SLC45A4: variants seen among roughly 807,000 people sequenced by gnomAD.
SLC45A4 encodes the protein solute carrier family 45 member 4.
A neutral mutation model predicts 63.7 loss-of-function variants in SLC45A4; 32 were observed. The observed-to-expected ratio is 0.50, with a 90% confidence interval of 0.38 to 0.67. The LOEUF (loss-of-function observed/expected upper bound fraction) is 0.67. SLC45A4 is among the 30% of genes least tolerant of loss of function. The probability of loss-of-function intolerance (pLI) is 0.00; values close to 1 mark genes in which losing one functional copy is unlikely to be tolerated. For missense variants in SLC45A4, 1,027 were observed against 1,157.7 expected, an observed-to-expected ratio of 0.89 and a Z score of 1.64; for synonymous variants, 535 against 510.0, an observed-to-expected ratio of 1.05 and a Z score of -0.66.
intron 3 of SLC45A4, among the ~76,000 whole-genome samples, chr8:141,220,413 C>T (rs573408731): frequency 1.3e-5 from 2 of 152,254 alleles, no homozygotes; most frequent in East Asian, 1.9e-4. Flanking sequence ...TGCCAGTGGC[C>T]GCACCTCACC....
At chr8:141,282,819 C>T (rs1830003935) in intron 1 of SLC45A4, among the ~76,000 whole-genome samples, 1 of 152,260 alleles carries the variant, frequency 6.6e-6, no homozygotes, top group African/African-American at 2.4e-5. Context: ...GAGCTCAGCT[C>T]CTTTCCCGCT....
rs1829823283 is a variant in SLC45A4 at position 141,278,611 on chromosome 8, C to G, written c.-400-23982G>C. Among the ~76,000 whole-genome samples, 2 of 152,242 alleles carry G rather than the reference C, an allele frequency of 1.3e-5. No individual in the cohort carries two copies. Among genetic ancestry groups the G allele is most frequent in the South Asian group, 4.1e-4 (2 of 4,832 alleles). On this transcript the variant is annotated intron_variant, in intron 1 of 8. Transcript: ENST00000517878. This position sits in a 1 kb window ranked among gnomAD's most constrained non-coding sequence, Gnocchi z 4.1. ...GGAGAGACAGGCCTCTGCCCCCTAG[C>G]CACCAGCAGCTGAGTGCTGACCACA...
chr8:141,238,253 C>G (rs982141579), intron 2 of SLC45A4, among the ~76,000 whole-genome samples: 13 of 152,254 alleles, frequency 8.5e-5, no homozygotes, highest in Non-Finnish European at 1.5e-5. Flanking sequence ...CTCCAGTCAG[C>G]AGGGAATCCA....
Position 141,243,576 on chromosome 8 carries a change from T to A in SLC45A4, c.241+10413A>T, listed in dbSNP as rs192575528. 3.1e-3 allele frequency among the ~76,000 whole-genome samples: 473 copies of A among 152,160 alleles called. 2 individuals carry two copies. Among genetic ancestry groups the A allele is most frequent in the African/African-American group, 0.011 (445 of 41,502 alleles). On this transcript the variant is annotated intron_variant, in intron 2 of 8. Transcript: ENST00000517878. Reference sequence around the variant, plus strand: ...AGGAGGATGGCTTGAGCCTAGGAGGTCAAGGCTGCAGTGAGCCGTAATCGC... The same window carrying A: ...AGGAGGATGGCTTGAGCCTAGGAGGACAAGGCTGCAGTGAGCCGTAATCGC...
At chr8:141,287,328 A>C (rs1270321001) in intron 1 of SLC45A4, among the ~76,000 whole-genome samples, 1 of 152,240 alleles carries the variant, frequency 6.6e-6, no homozygotes, top group Non-Finnish European at 1.5e-5. Flanking sequence ...TAACTACAGC[A>C]TCGTGACTCA....
chr8:141,262,871 C>G (rs1829095183), intron 1 of SLC45A4, among the ~76,000 whole-genome samples: 1 of 149,852 alleles, frequency 6.7e-6, no homozygotes. Context: ...TGGGTATATA[C>G]CCAAAGGACT....
intron 2 of SLC45A4, chr8:141,228,082 G>A (rs377044418): frequency 1.4e-6 from 2 of 1,449,266 alleles, no homozygotes; most frequent in East Asian, 2.3e-5. Context: ...GCTGTGTGGA[G>A]TGGAGCTGTT....
At chr8:141,280,912 G>A (rs997196500) in intron 1 of SLC45A4, among the ~76,000 whole-genome samples, 5 of 152,234 alleles carry the variant, frequency 3.3e-5, no homozygotes, top group East Asian at 1.9e-4. Flanking sequence ...TGAGGTCTCC[G>A]CAAGACCGGG....
intron 2 of SLC45A4, among the ~76,000 whole-genome samples, chr8:141,246,439 T>C (rs980957741): frequency 1.4e-4 from 4 of 27,908 alleles, no homozygotes; most frequent in Non-Finnish European, 3.4e-4. Flanking sequence ...GGCCTCCTGC[T>C]CAGTTATTTG....
chr8:141,276,080 T>C (rs1005862158), intron 1 of SLC45A4, among the ~76,000 whole-genome samples: 15 of 152,052 alleles, frequency 9.9e-5, no homozygotes, highest in Non-Finnish European at 2.2e-4. Flanking sequence ...ACCTAGCTGA[T>C]TTTTTGAGAT....
At chr8:141,295,019 C>T in intron 1 of SLC45A4, among the ~76,000 whole-genome samples, 1 of 152,246 alleles carries the variant, frequency 6.6e-6, no homozygotes, top group Non-Finnish European at 1.5e-5. Flanking sequence ...GGGGACAGTC[C>T]TCCCACTGGA....
At chr8:141,277,029 A>T (rs1232583364) in intron 1 of SLC45A4, among the ~76,000 whole-genome samples, 1 of 152,224 alleles carries the variant, frequency 6.6e-6, no homozygotes, top group African/African-American at 2.4e-5. Flanking sequence ...CCCAGCAGCA[A>T]GGGAAGGCAG....
At chr8:141,251,279 G>T (rs538753154) in intron 2 of SLC45A4, among the ~76,000 whole-genome samples, 1 of 151,990 alleles carries the variant, frequency 6.6e-6, no homozygotes, top group Non-Finnish European at 1.5e-5. Context: ...AGGTCTAGTC[G>T]CGAAAGTGGT....
At chr8:141,239,659 T>C (rs112112490) in intron 2 of SLC45A4, among the ~76,000 whole-genome samples, 31 of 152,308 alleles carry the variant, frequency 2.0e-4, no homozygotes, top group African/African-American at 7.5e-4. Context: ...GGAATGTGTT[T>C]CTCAATTCTT....
chr8:141,272,592 C>T (rs971341369), intron 1 of SLC45A4, among the ~76,000 whole-genome samples: 2 of 152,242 alleles, frequency 1.3e-5, no homozygotes, highest in Admixed American at 1.3e-4. Context: ...TCCCCAAACC[C>T]TTCCGGAGAG....
intron 2 of SLC45A4, 101 bp from the exon 3 acceptor site, chr8:141,221,866 C>A: frequency 1.7e-6 from 2 of 1,187,266 alleles, no homozygotes; most frequent in African/African-American, 3.0e-5. Flanking sequence ...TGTGTACACG[C>A]ACGCATGCGC....
chr8:141,286,586 T>C (rs1830155111), intron 1 of SLC45A4, among the ~76,000 whole-genome samples: 1 of 152,106 alleles, frequency 6.6e-6, no homozygotes, highest in African/African-American at 2.4e-5. Flanking sequence ...ACTGCACCCA[T>C]CTGCATTTGA....
chr8:141,248,474 C>T (rs573413423), intron 2 of SLC45A4, among the ~76,000 whole-genome samples: 4 of 151,844 alleles, frequency 2.6e-5, no homozygotes, highest in Middle Eastern at 3.4e-3. Context: ...GAGGCTGAGG[C>T]GGGAGGATCA....
chr8:141,212,596 A>C (rs1233810207), intron 7 of SLC45A4, 40 bp from the exon 8 acceptor site: 1 of 1,553,320 alleles, frequency 6.4e-7, no homozygotes, highest in Non-Finnish European at 8.7e-7. Context: ...CGGCTGGAGA[A>C]GGTGGCTGCT....
Sources: gnomAD v4.1 joint callset for allele counts (sites outside exome capture counted in the v4.1 genomes callset) on GRCh38, gnomAD v4.1.1 for gene constraint, Gnocchi (gnomAD v3.1) non-coding constraint, MANE v1.5 for transcripts, NCBI Gene and HGNC (gene_info 2026-07-23, HGNC 2026-07-21) for gene names.